The following XKR9 variants were observed in gnomAD, a reference collection of about 807,000 sequenced individuals.
The protein encoded by XKR9 is XK-related protein 9.
Under a neutral mutation model 32.0 loss-of-function variants are expected in XKR9, and 32 were observed. The ratio of observed to expected loss-of-function variants is 1.00; its 90% confidence interval spans 0.76 to 1.34. The LOEUF (loss-of-function observed/expected upper bound fraction) is 1.34. Among genes scored for constraint, XKR9 ranks in the 40% most tolerant of loss-of-function variants. The pLI is 0.00. For missense variants in XKR9, 546 were observed against 429.7 expected, an observed-to-expected ratio of 1.27 and a Z score of -2.39; for synonymous variants, 168 against 143.4, an observed-to-expected ratio of 1.17 and a Z score of -1.22.
chr8:70,936,787 T>C, the XKR9 span, among the ~76,000 whole-genome samples: 1 of 152,038 alleles, frequency 6.6e-6, no homozygotes, highest in Non-Finnish European at 1.5e-5. Context: ...TCAAGGCTGC[T>C]TGAACCAGGC....
the XKR9 span, among the ~76,000 whole-genome samples, chr8:71,012,410 A>G: frequency 6.6e-6 from 1 of 152,202 alleles, no homozygotes; most frequent in Non-Finnish European, 1.5e-5. Flanking sequence ...GAGGGTGAAC[A>G]GGATTCCAGG....
the XKR9 span, among the ~76,000 whole-genome samples, chr8:70,861,490 A>G: frequency 6.7e-6 from 1 of 149,806 alleles, no homozygotes; most frequent in Non-Finnish European, 1.5e-5. Flanking sequence ...GTGTCTATCA[A>G]AAAAAAAAAA....
the XKR9 span, among the ~76,000 whole-genome samples, chr8:71,029,541 C>A: frequency 6.6e-6 from 1 of 152,076 alleles, no homozygotes; most frequent in Non-Finnish European, 1.5e-5. Context: ...GCCAGTAGAG[C>A]AAAGGTATTA....
intron 3 of XKR9, among the ~76,000 whole-genome samples, chr8:70,687,387 C>G (rs962679822): frequency 8.4e-6 from 1 of 119,538 alleles, no homozygotes; most frequent in Non-Finnish European, 1.7e-5. Context: ...CTTTCTTTCT[C>G]TTTCTCTTTC....
chr8:70,865,682 C>T, the XKR9 span, among the ~76,000 whole-genome samples: 2 of 152,126 alleles, frequency 1.3e-5, no homozygotes, highest in Admixed American at 1.3e-4. Flanking sequence ...AATGCCAGAT[C>T]TGCAATGGCT....
chr8:70,738,719 C>T (rs1452192738), downstream of XKR9, among the ~76,000 whole-genome samples: 6 of 151,902 alleles, frequency 3.9e-5, no homozygotes, highest in South Asian at 2.1e-4. Flanking sequence ...GCCTTCATTT[C>T]GTTATGTACC....
At chr8:70,915,588 AT>A in the XKR9 span, among the ~76,000 whole-genome samples, 1 of 151,838 alleles carries the variant, frequency 6.6e-6, no homozygotes, top group Non-Finnish European at 1.5e-5. Context: ...TAGAAGATTG[AT>A]TTTTATTGCT....
At chr8:70,923,095 C>G in the XKR9 span, among the ~76,000 whole-genome samples, 2 of 152,186 alleles carry the variant, frequency 1.3e-5, no homozygotes, top group Non-Finnish European at 2.9e-5. Context: ...TTCAGAGTGA[C>G]GTCCTGCAGA....
chr8:70,811,857 G>A, the XKR9 span, among the ~76,000 whole-genome samples: 1 of 151,948 alleles, frequency 6.6e-6, no homozygotes, highest in African/African-American at 2.4e-5. Flanking sequence ...AATTCTACCA[G>A]AGGTACAAGG....
In XKR9 at chr8:70,734,168, G is replaced by C. The variant is rs146661853; in HGVS notation, c.866G>C (p.Cys289Ser). 1,107 of 1,613,016 alleles carry C rather than the reference G, an allele frequency of 6.9e-4. 3 individuals are homozygous for C. The highest frequency in any genetic ancestry group is 8.8e-4 in the Non-Finnish European group (1,032 of 1,179,420). The change falls in exon 5 of 5, where the codon TGT becomes TCT. Residue 289 changes from cysteine (C) to serine (S), a missense_variant. By Grantham distance (112) the Cys-to-Ser change is moderately radical. Coordinates refer to ENST00000408926, the MANE Select transcript of XKR9 (RefSeq NM_001011720.2). ...CAGAATACCAAGTGTCCAATGTCTT[G>C]TTATTATATTGTTAGGGTACTGGGC... ...KGQNTKCPMSCYYIVRVLGTL... is the reference protein window; with the variant it reads ...KGQNTKCPMSSYYIVRVLGTL...
At chr8:70,693,128 T>G (rs1392187718) in intron 3 of XKR9, among the ~76,000 whole-genome samples, 1 of 152,206 alleles carries the variant, frequency 6.6e-6, no homozygotes, top group African/African-American at 2.4e-5. Flanking sequence ...ACTTGGCATT[T>G]GAGTTACTAG....
At chr8:70,858,730 A>T in the XKR9 span, among the ~76,000 whole-genome samples, 5 of 152,254 alleles carry the variant, frequency 3.3e-5, no homozygotes, top group Admixed American at 1.3e-4. Context: ...ATTTTTGACA[A>T]AGGTATCAAG....
chr8:70,866,466 G>A, the XKR9 span, among the ~76,000 whole-genome samples: 1 of 152,138 alleles, frequency 6.6e-6, no homozygotes, highest in African/African-American at 2.4e-5. Flanking sequence ...TGTAGGGTGG[G>A]GCCAGGCAGT....
rs538167713 is a variant in XKR9, at chr8:70,747,388, C to G, written n.352+40235C>G. ...TGCATTGCCTCATAAATGAATTTAT[C>G]CATTCATAGATTAGTGGATTAATAG... On this transcript the variant is annotated intron_variant and non_coding_transcript_variant, in intron 2 of 3. Transcript: ENST00000520273. Among the ~76,000 whole-genome samples, 3 of 152,222 alleles carry G rather than the reference C, an allele frequency of 2.0e-5. No individual in the cohort carries two copies. In the South Asian group the frequency reaches 6.2e-4, roughly 32 times the overall value.
chr8:70,974,458 G>A, the XKR9 span, among the ~76,000 whole-genome samples: 1 of 152,030 alleles, frequency 6.6e-6, no homozygotes, highest in African/African-American at 2.4e-5. Context: ...TGTTCTTATT[G>A]TTCAATTCCC....
chr8:70,766,626 ATAC>A (rs1456420936), intron 2 of XKR9, among the ~76,000 whole-genome samples: 1 of 152,150 alleles, frequency 6.6e-6, no homozygotes, highest in Non-Finnish European at 1.5e-5. Context: ...AGAACTTCCA[ATAC>A]TATGTTTAAT....
downstream of XKR9, among the ~76,000 whole-genome samples, chr8:70,736,918 T>C (rs1358092952): frequency 1.3e-5 from 2 of 152,156 alleles, no homozygotes; most frequent in Non-Finnish European, 1.5e-5. Flanking sequence ...TCCAGCTTTG[T>C]TCTTTTGGCT....
At chr8:70,952,310 C>T in the XKR9 span, among the ~76,000 whole-genome samples, 1 of 152,146 alleles carries the variant, frequency 6.6e-6, no homozygotes, top group Non-Finnish European at 1.5e-5. Flanking sequence ...CTGGAAGTAT[C>T]ACTATCATTT....
At chr8:70,938,103 A>G in the XKR9 span, among the ~76,000 whole-genome samples, 1 of 152,022 alleles carries the variant, frequency 6.6e-6, no homozygotes, top group African/African-American at 2.4e-5. Context: ...TTATCAGTTT[A>G]GAGGAAATTA....
Sources: gnomAD v4.1 joint callset for allele counts (sites outside exome capture counted in the v4.1 genomes callset) on GRCh38, gnomAD v4.1.1 for gene constraint, MANE v1.5 for transcripts, NCBI Gene and HGNC (gene_info 2026-07-23, HGNC 2026-07-21) for gene names.